PTK2: variants seen among roughly 807,000 people sequenced by gnomAD.
PTK2 encodes protein tyrosine kinase 2.
A neutral mutation model predicts 150.1 loss-of-function variants in PTK2; 45 were observed. That is an observed-to-expected ratio of 0.30 (90% CI 0.24 to 0.38). The LOEUF (loss-of-function observed/expected upper bound fraction) is 0.38, where lower values mean the gene tolerates loss of function less well. Among genes scored for constraint, PTK2 ranks in the 10% least tolerant of loss-of-function variants. The probability of loss-of-function intolerance (pLI) is 1.00; values close to 1 mark genes in which losing one functional copy is unlikely to be tolerated. For synonymous variants in PTK2, 432 were observed against 449.2 expected (o/e 0.96, Z 0.48); for missense variants, 919 against 1,307.3 (o/e 0.70, Z 4.58).
intron 1 of PTK2, among the ~76,000 whole-genome samples, chr8:140,981,952 T>C (rs538632644): frequency 1.3e-5 from 2 of 152,294 alleles, no homozygotes; most frequent in Non-Finnish European, 2.9e-5. Context: ...CTCTACCTTA[T>C]ATTTTACACA....
intron 10 of PTK2, among the ~76,000 whole-genome samples, chr8:140,815,949 A>T (rs1480773873): frequency 6.6e-6 from 1 of 152,184 alleles, no homozygotes; most frequent in East Asian, 1.9e-4. Context: ...TTGATAAATT[A>T]AAATCTAAAA....
chr8:140,758,562 G>A (rs985258345), intron 16 of PTK2, among the ~76,000 whole-genome samples: 12 of 152,174 alleles, frequency 7.9e-5, no homozygotes, highest in Admixed American at 5.2e-4. Flanking sequence ...GGAGGTCGAA[G>A]ACAGTGATGT....
chr8:140,997,046 T>C (rs1039647748), intron 1 of PTK2, among the ~76,000 whole-genome samples: 5 of 152,176 alleles, frequency 3.3e-5, no homozygotes, highest in African/African-American at 1.2e-4. Flanking sequence ...GAAAATAGCA[T>C]TATGAACAGG....
intron 30 of PTK2, among the ~76,000 whole-genome samples, chr8:140,665,852 A>C (rs2152860539): frequency 6.6e-6 from 1 of 152,348 alleles, no homozygotes; most frequent in South Asian, 2.1e-4. Flanking sequence ...AGTTGTTTAA[A>C]CTTGGCTGTG....
intron 17 of PTK2, among the ~76,000 whole-genome samples, chr8:140,751,402 C>A (rs534611034): frequency 6.6e-6 from 1 of 152,218 alleles, no homozygotes; most frequent in African/African-American, 2.4e-5. Flanking sequence ...TGGTCTCAAG[C>A]AATCCTCTCA....
At chr8:140,904,976 T>C (rs1361742962) in intron 2 of PTK2, among the ~76,000 whole-genome samples, 2 of 152,218 alleles carry the variant, frequency 1.3e-5, no homozygotes, top group Non-Finnish European at 2.9e-5. Flanking sequence ...TGAAAGTTTT[T>C]TTGTATCTCT....
At chr8:140,695,531 C>T (rs554048220) in intron 26 of PTK2, among the ~76,000 whole-genome samples, 1 of 152,190 alleles carries the variant, frequency 6.6e-6, no homozygotes, top group Admixed American at 6.5e-5. Flanking sequence ...CTGCTGCAGC[C>T]TCCTGAGTAG....
intron 2 of PTK2, among the ~76,000 whole-genome samples, chr8:140,923,160 AG>A (rs1335663750): frequency 5.9e-5 from 9 of 152,220 alleles, no homozygotes; most frequent in South Asian, 2.1e-4. Context: ...TTGAGAGTAT[AG>A]GAAGATGTTA....
intron 3 of PTK2, 39 bp from the exon 4 acceptor site, chr8:140,879,676 GAA>G: frequency 0.032 from 1,084 of 33,682 alleles, 1 homozygote; most frequent in Non-Finnish European, 0.035. Context: ...GTTATAAACT[GAA>G]AAAAAAAAAA....
At chr8:140,759,629 G>A (rs2100068150) in intron 16 of PTK2, among the ~76,000 whole-genome samples, 1 of 151,786 alleles carries the variant, frequency 6.6e-6, no homozygotes, top group Non-Finnish European at 1.5e-5. Context: ...GGTCAAGACA[G>A]GAGGATCACC....
intron 8 of PTK2, among the ~76,000 whole-genome samples, chr8:140,829,730 A>C (rs2100114172): frequency 6.6e-6 from 1 of 152,160 alleles, no homozygotes; most frequent in Non-Finnish European, 1.5e-5. Flanking sequence ...TATATTTACT[A>C]ATCTGTTAAA....
At chr8:140,958,679 T>C (rs2100182059) in intron 1 of PTK2, among the ~76,000 whole-genome samples, 1 of 152,218 alleles carries the variant, frequency 6.6e-6, no homozygotes, top group South Asian at 2.1e-4. Context: ...AACTATAGTA[T>C]CCTTGCCCCC....
At chr8:140,675,464 T>C in exon 28 of PTK2, 1 of 1,612,690 alleles carries the variant, frequency 6.2e-7, no homozygotes, top group Non-Finnish European at 8.5e-7. Flanking sequence ...CTTTACCTGG[T>C]TTACCCACAG....
intron 2 of PTK2, among the ~76,000 whole-genome samples, chr8:140,902,324 C>T (rs1299298297): frequency 2.0e-5 from 3 of 152,168 alleles, no homozygotes; most frequent in South Asian, 2.1e-4. Flanking sequence ...CGTGAGCCAC[C>T]GTGCCCAGCC....
chr8:140,904,234 C>T (rs1361869049), intron 2 of PTK2, among the ~76,000 whole-genome samples: 2 of 152,032 alleles, frequency 1.3e-5, no homozygotes, highest in South Asian at 2.1e-4. Flanking sequence ...TTATTGAAGG[C>T]CTTTTCTGCA....
intron 3 of PTK2, among the ~76,000 whole-genome samples, chr8:140,880,773 G>GT (rs1272527228): frequency 6.6e-6 from 1 of 152,134 alleles, no homozygotes; most frequent in Non-Finnish European, 1.5e-5. Context: ...AAGATAAATC[G>GT]TAACATGTAC....
intron 2 of PTK2, among the ~76,000 whole-genome samples, chr8:140,922,437 T>A (rs182765728): frequency 1.3e-5 from 2 of 151,390 alleles, no homozygotes; most frequent in Admixed American, 6.6e-5. Flanking sequence ...ATCCCCAGCC[T>A]CCACCATTAT....
chr8:140,693,440 G>A (rs1414207575), intron 26 of PTK2, among the ~76,000 whole-genome samples: 3 of 151,614 alleles, frequency 2.0e-5, no homozygotes, highest in African/African-American at 7.3e-5. Context: ...GCCCGTAGTC[G>A]CAGCTACTCT....
rs77074641 is a variant in PTK2 at position 140,997,353 on chromosome 8, T to C, written c.-122+3772A>G. On this transcript the variant is annotated intron_variant, in intron 1 of 31. Transcript: ENST00000522684. ...CTAGAATATTGCATACACTGATTGA[T>C]AAAGCAATGGCAGTGTTTAGGAGTA... 6.2e-3 allele frequency among the ~76,000 whole-genome samples: 939 copies of C among 152,366 alleles called. 6 individuals carry two copies. Among genetic ancestry groups the C allele is most frequent in the African/African-American group, 0.022 (895 of 41,584 alleles).
Sources: allele counts gnomAD v4.1 joint callset (sites outside exome capture counted in the v4.1 genomes callset), GRCh38; gene constraint gnomAD v4.1.1; transcripts MANE v1.5; gene names NCBI Gene and HGNC (gene_info 2026-07-23, HGNC 2026-07-21).